Variants in E2F3 observed in about 807,000 individuals in gnomAD.
E2F3 encodes the protein transcription factor E2F3.
In E2F3, 11 loss-of-function variants were observed where a neutral mutation model predicts 44.4. The ratio of observed to expected loss-of-function variants is 0.25; its 90% CI spans 0.16 to 0.41. The LOEUF is 0.41. E2F3 is among the 10% of genes least tolerant of loss of function. The pLI, the probability that E2F3 is intolerant of heterozygous loss-of-function variation, is 1.00. For synonymous variants in E2F3, 249 were observed against 253.0 expected, an observed-to-expected ratio of 0.98 and a Z score of 0.15; for missense variants, 487 against 583.6, an observed-to-expected ratio of 0.83 and a Z score of 1.70.
chr6:20,445,820 T>G (rs1290378829), intron 1 of E2F3, among the ~76,000 whole-genome samples: 11 of 152,220 alleles, frequency 7.2e-5, no homozygotes, highest in African/African-American at 2.7e-4. Flanking sequence ...TATACATACA[T>G]TTAAGAAAGA....
chr6:20,436,680 C>T (rs1360480656), intron 1 of E2F3, among the ~76,000 whole-genome samples: 1 of 152,120 alleles, frequency 6.6e-6, no homozygotes, highest in African/African-American at 2.4e-5. Flanking sequence ...TCTTAAATGA[C>T]CAAGCAGGAC....
chr6:20,431,033 GA>G (rs142194029), intron 1 of E2F3, among the ~76,000 whole-genome samples: 1 of 151,484 alleles, frequency 6.6e-6, no homozygotes, highest in African/African-American at 2.4e-5. Context: ...TCAAGAAAAA[GA>G]AAAAAAAGAA....
intron 1 of E2F3, among the ~76,000 whole-genome samples, chr6:20,415,687 G>A (rs944324296): frequency 2.6e-5 from 4 of 152,108 alleles, no homozygotes; most frequent in African/African-American, 9.7e-5. Flanking sequence ...AAAAGCAACG[G>A]ATTTCTCATA....
Position 20,493,568 on chromosome 6 carries a change from CA to C in E2F3, c.*3146del, listed in dbSNP as rs199794702. 9.3e-5 allele frequency: 13 copies of C among 139,172 alleles called. No homozygotes were observed. Among genetic ancestry groups the C allele is most frequent in the East Asian group, 3.0e-4 (2 of 6,582 alleles). The allele number at this position is 139,172 out of a possible 1,614,324, so 8.6% of individuals were successfully genotyped here. A position where few individuals can be genotyped will look rare whatever the true frequency, so the allele number is the denominator to read the frequency against. On this transcript the variant is annotated 3_prime_UTR_variant, in exon 7 of 7. Coordinates refer to ENST00000346618, the MANE Select transcript of E2F3 (RefSeq NM_001949.5). ...ATATGTAATATAATGTAAAAAAAAA[CA>C]AAAAAAAGCTTTTATGATGGATTTT...
At chr6:20,467,837 T>C (rs913951368) in intron 1 of E2F3, among the ~76,000 whole-genome samples, 20 of 152,282 alleles carry the variant, frequency 1.3e-4, no homozygotes, top group Non-Finnish European at 5.9e-5. Context: ...CTAAATTCCA[T>C]TGGTAACTTT....
In E2F3 at chr6:20,481,082, C is replaced by T. The variant is rs1425928274; in HGVS notation, c.506-124C>T. 49 of 864,622 alleles carry T rather than the reference C, an allele frequency of 5.7e-5. 1 individual carries two copies. The East Asian group carries it at 1.1e-3, about 20-fold the overall frequency. 53.6% of individuals were successfully genotyped at this position (864,622 alleles called of 1,614,324 possible). On this transcript the variant is annotated intron_variant, in intron 2 of 6. Transcript: ENST00000346618. ...TGCCAACACCAACAGCAACGACAGC[C>T]TTGCTTCAGATACTAATACTTTGGC...
intron 4 of E2F3, among the ~76,000 whole-genome samples, chr6:20,483,533 C>G (rs1356128876): frequency 6.6e-6 from 1 of 152,062 alleles, no homozygotes. Context: ...CTGAGAAACC[C>G]CTCTCAATTC....
intron 3 of E2F3, 94 bp downstream of exon 3, chr6:20,481,519 GTTCTT>G: frequency 9.1e-7 from 1 of 1,102,588 alleles, no homozygotes; most frequent in Non-Finnish European, 1.3e-6. Flanking sequence ...ACGCCCACAC[GTTCTT>G]TTCTTTTCTC....
Position 20,402,128 on chromosome 6 carries a change from GGAGGA to G in E2F3, c.-101_-97del, listed in dbSNP as rs963145017. ...GAGGGGGCTCGGAAGCGCCGGGCGG[GGAGGA>G]GAGAAGGAGGAGAGACTTGGAAACT... On this transcript the variant is annotated 5_prime_UTR_variant, in exon 1 of 7. Transcript: ENST00000346618. The surrounding 1 kb of genome is among the most constrained non-coding windows in gnomAD (Gnocchi z 5.6). 2.1e-6 allele frequency: 3 copies of G among 1,434,676 alleles called. No homozygotes were observed. The African/African-American group carries it at 4.5e-5, about 21-fold the overall frequency. The allele number at this position is 1,434,676 out of a possible 1,614,324, so 88.9% of individuals were successfully genotyped here.
intron 1 of E2F3, among the ~76,000 whole-genome samples, chr6:20,472,073 C>CACAT (rs1336723643): frequency 5.3e-5 from 8 of 150,612 alleles, no homozygotes; most frequent in African/African-American, 1.7e-4. Flanking sequence ...CACACACTCA[C>CACAT]ATCTATCCCT....
chr6:20,406,669 A>G (rs1759504258), intron 1 of E2F3, among the ~76,000 whole-genome samples: 1 of 152,162 alleles, frequency 6.6e-6, no homozygotes, highest in Non-Finnish European at 1.5e-5. Context: ...TTGAATTGTG[A>G]CAATTCAAGG....
chr6:20,441,030 T>C (rs1760755463), intron 1 of E2F3, among the ~76,000 whole-genome samples: 1 of 152,226 alleles, frequency 6.6e-6, no homozygotes. Context: ...ACACACAGTT[T>C]ACTATTTTAA....
intron 1 of E2F3, among the ~76,000 whole-genome samples, chr6:20,413,070 A>T (rs952700845): frequency 6.6e-6 from 1 of 152,210 alleles, no homozygotes; most frequent in South Asian, 2.1e-4. Context: ...GGGCCCCATT[A>T]ATAAGTGGGG....
At chr6:20,488,450 C>T (rs2044316206) in intron 6 of E2F3, among the ~76,000 whole-genome samples, 1 of 152,184 alleles carries the variant, frequency 6.6e-6, no homozygotes, top group Admixed American at 6.5e-5. Context: ...TATGGAGTCG[C>T]TTCAGGCTTT....
At chr6:20,480,974 A>C (rs78961107) in intron 2 of E2F3, among the ~76,000 whole-genome samples, 1 of 152,310 alleles carries the variant, frequency 6.6e-6, no homozygotes, top group East Asian at 1.9e-4. Context: ...TGAGAAATTC[A>C]AGGTGAAATG....
At chr6:20,410,248 T>C (rs953306250) in intron 1 of E2F3, among the ~76,000 whole-genome samples, 1 of 152,102 alleles carries the variant, frequency 6.6e-6, no homozygotes, top group East Asian at 1.9e-4. Context: ...GGCAGTCCCT[T>C]GGAGAGAAGG....
intron 1 of E2F3, among the ~76,000 whole-genome samples, chr6:20,460,168 C>T (rs1048646628): frequency 2.0e-5 from 3 of 152,216 alleles, no homozygotes; most frequent in Non-Finnish European, 4.4e-5. Context: ...TGACTGGTTC[C>T]TCCAATTTCC....
At chr6:20,472,068 A>ACACACACACACACACACACT (rs1320530650) in intron 1 of E2F3, among the ~76,000 whole-genome samples, 19 of 147,632 alleles carry the variant, frequency 1.3e-4, no homozygotes, top group African/African-American at 4.5e-4. Flanking sequence ...ACACACACAC[A>ACACACACACACACACACACT]CTCACATCTA....
At chr6:20,404,004 G>A (rs2127582159) in intron 1 of E2F3, among the ~76,000 whole-genome samples, 1 of 152,308 alleles carries the variant, frequency 6.6e-6, no homozygotes, top group African/African-American at 2.4e-5. Flanking sequence ...AAATGCCCCG[G>A]CCTCCGGTTC....
Sources: gnomAD v4.1 joint callset for allele counts (sites outside exome capture counted in the v4.1 genomes callset) on GRCh38, gnomAD v4.1.1 for gene constraint, Gnocchi (gnomAD v3.1) non-coding constraint, MANE v1.5 for transcripts, NCBI Gene and HGNC (gene_info 2026-07-23, HGNC 2026-07-21) for gene names.